The following STAB2 variants were observed in gnomAD, a reference collection of about 807,000 sequenced individuals.
STAB2 encodes the protein stabilin 2.
Under a neutral mutation model 338.1 loss-of-function variants are expected in STAB2, and 288 were observed. The observed-to-expected ratio is 0.85, with a 90% CI of 0.77 to 0.94. The LOEUF (loss-of-function observed/expected upper bound fraction) is 0.94. Among genes scored for constraint, STAB2 ranks in the 40% least tolerant of loss-of-function variants. The pLI, the probability that STAB2 is intolerant of heterozygous loss-of-function variation, is 0.00. For missense variants in STAB2, 3,141 were observed against 3,210.1 expected (o/e 0.98, Z 0.52); for synonymous variants, 1,202 against 1,193.3 (o/e 1.01, Z -0.15).
Position 103,677,575 on chromosome 12 carries a change from C to T in STAB2, c.2769C>T (p.His923=), listed in dbSNP as rs755277335. 9.3e-6 allele frequency: 15 copies of T among 1,613,876 alleles called. No individual in the cohort carries two copies. Among genetic ancestry groups the T allele is most frequent in the Admixed American group, 5.0e-5 (3 of 59,994 alleles). The change falls in exon 25 of 69, where the codon CAC becomes CAT. Residue 923 remains histidine, a synonymous_variant. Transcript: ENST00000388887. ...NCLLPSAGGC[H]DNASCLYVGP... Reference sequence around the variant, plus strand: ...TGCTGCCCAGTGCAGGCGGCTGCCACGACAACGCATCCTGTTTGTATGTGG... The same window carrying T: ...TGCTGCCCAGTGCAGGCGGCTGCCATGACAACGCATCCTGTTTGTATGTGG...
chr12:103,683,434 T>C, intron 26 of STAB2, 134 bp downstream of exon 26: 1 of 704,260 alleles, frequency 1.4e-6, no homozygotes, highest in Non-Finnish European at 2.2e-6. Context: ...CTAAGCAGAA[T>C]GCGAGTAGTT....
At chr12:103,757,928 A>G (rs1884255304) in intron 63 of STAB2, 2 of 540,080 alleles carry the variant, frequency 3.7e-6, no homozygotes, top group East Asian at 6.4e-5. Context: ...GGGCTGCTCA[A>G]GCAGCCACGT....
chr12:103,704,434 A>G (rs928132055), intron 35 of STAB2, 124 bp from the exon 36 acceptor site: 21 of 857,342 alleles, frequency 2.4e-5, no homozygotes, highest in Non-Finnish European at 3.6e-5. Context: ...TCAGAACATT[A>G]AAGAGGCTGC....
chr12:103,745,335 G>T, intron 57 of STAB2, 58 bp downstream of exon 57: 1 of 1,481,878 alleles, frequency 6.7e-7, no homozygotes, highest in Non-Finnish European at 9.2e-7. Context: ...ACACTGCCAA[G>T]AGCATACAAG....
At chr12:103,732,970 C>T (rs771233739) in intron 50 of STAB2, 36 bp from the exon 51 acceptor site, 3 of 1,604,436 alleles carry the variant, frequency 1.9e-6, no homozygotes, top group Non-Finnish European at 2.6e-6. Flanking sequence ...CTGGGCCTTG[C>T]TCAAGCCAGC....
chr12:103,589,203 T>C (rs1956759831), intron 1 of STAB2, among the ~76,000 whole-genome samples: 1 of 152,224 alleles, frequency 6.6e-6, no homozygotes, highest in Admixed American at 6.5e-5. Flanking sequence ...AGGCTTTATA[T>C]ATTTCAATGA....
chr12:103,727,455 G>A (rs1881301711), intron 47 of STAB2, 105 bp downstream of exon 47: 4 of 1,306,218 alleles, frequency 3.1e-6, no homozygotes, highest in Non-Finnish European at 4.4e-6. Flanking sequence ...CAGGAGCTCT[G>A]AGATCAGGTG....
intron 18 of STAB2, among the ~76,000 whole-genome samples, chr12:103,663,987 T>C (rs867900839): frequency 1.3e-5 from 2 of 152,230 alleles, no homozygotes; most frequent in Non-Finnish European, 2.9e-5. Context: ...CTCAGGTAGC[T>C]GCTCTAGCCT....
chr12:103,750,896 G>C (rs540340532), intron 60 of STAB2, among the ~76,000 whole-genome samples, 176 bp downstream of exon 60: 72 of 152,350 alleles, frequency 4.7e-4, no homozygotes, highest in African/African-American at 1.5e-3. Flanking sequence ...TTGGAGACCA[G>C]CCCGGCCAAC....
chr12:103,733,314 C>A, intron 51 of STAB2, 132 bp downstream of exon 51: 1 of 1,042,382 alleles, frequency 9.6e-7, no homozygotes, highest in Non-Finnish European at 1.4e-6. Flanking sequence ...CCACAGCATC[C>A]CCTGCCCCAC....
At chr12:103,671,601 G>A (rs779437981) in intron 22 of STAB2, among the ~76,000 whole-genome samples, 1 of 152,126 alleles carries the variant, frequency 6.6e-6, no homozygotes, top group Non-Finnish European at 1.5e-5. Context: ...AAAATAGCAA[G>A]TGTCTTTTAA....
chr12:103,763,499 A>T lies in STAB2; in HGVS notation c.7496A>T (p.Glu2499Val). ...TIGFQHFESE[E>V]DINVAALGKQ... is the part of the protein sequence containing the mutation. ...GCTTGTCTTTCCAAACAGTCGGAAG[A>T]GGACATTAATGTTGCAGCTCTTGGC... The change falls in exon 68 of 69, where the codon GAG (glutamate) becomes GTG (valine). Residue 2499 changes from glutamate to valine, a missense_variant. Physicochemically the swap from Glu to Val is moderately radical, Grantham distance 121. Transcript: ENST00000388887. 6.2e-7 allele frequency: 1 copy of T among 1,614,066 alleles called. No homozygotes were observed.
chr12:103,740,009 G>A (rs1882458678), intron 54 of STAB2, among the ~76,000 whole-genome samples: 1 of 152,116 alleles, frequency 6.6e-6, no homozygotes, highest in Non-Finnish European at 1.5e-5. Flanking sequence ...CACAGGTATG[G>A]GGTCAAATTC....
intron 3 of STAB2, among the ~76,000 whole-genome samples, chr12:103,611,559 C>A (rs1481346354): frequency 2.6e-5 from 4 of 152,232 alleles, no homozygotes; most frequent in Non-Finnish European, 5.9e-5. Context: ...TCCTCCATCC[C>A]TTTATTTTGA....
chr12:103,643,934 GCCGCCCC>G (rs1873118764), intron 9 of STAB2, among the ~76,000 whole-genome samples: 3 of 87,152 alleles, frequency 3.4e-5, no homozygotes, highest in Admixed American at 1.0e-4. Flanking sequence ...TGCCCGGCCA[GCCGCCCC>G]GTCCGGGAGG....
chr12:103,682,724 C>T (rs997605480), intron 25 of STAB2, among the ~76,000 whole-genome samples: 1 of 151,942 alleles, frequency 6.6e-6, no homozygotes, highest in African/African-American at 2.4e-5. Flanking sequence ...CCGAGGCAGG[C>T]GTATCACAAG....
chr12:103,765,086 CAAAAAAAAAAAAAA>C (rs56002429), intron 68 of STAB2, among the ~76,000 whole-genome samples: 3 of 66,514 alleles, frequency 4.5e-5, no homozygotes, highest in African/African-American at 2.0e-4. Context: ...GACTCTGTCT[CAAAAAAAAAAAAAA>C]AAAAAAAAAA....
chr12:103,603,102 G>C (rs538502230), intron 3 of STAB2, among the ~76,000 whole-genome samples: 2 of 151,744 alleles, frequency 1.3e-5, no homozygotes, highest in African/African-American at 2.4e-5. Context: ...ATGGAGTCTC[G>C]CTCTGTTGCC....
intron 13 of STAB2, 181 bp downstream of exon 13, chr12:103,654,879 A>C (rs1874063648): frequency 1.3e-6 from 1 of 752,938 alleles, no homozygotes; most frequent in Non-Finnish European, 2.0e-6. Context: ...CTGCAGAAAG[A>C]AAGCAAGACG....
Sources: allele counts gnomAD v4.1 joint callset (sites outside exome capture counted in the v4.1 genomes callset), GRCh38; gene constraint gnomAD v4.1.1; transcripts MANE v1.5; gene names NCBI Gene and HGNC (gene_info 2026-07-23, HGNC 2026-07-21).